Variants in FAIM2 observed in about 807,000 individuals in gnomAD.
FAIM2 encodes Fas apoptotic inhibitory molecule 2, also known as protein lifeguard 2.
A neutral mutation model predicts 47.4 loss-of-function variants in FAIM2; 27 were observed. The observed-to-expected ratio is 0.57, with a 90% CI of 0.42 to 0.78. FAIM2 has a LOEUF of 0.78. Ranked by LOEUF, FAIM2 falls within the 30% of genes least tolerant of loss-of-function variation. The pLI, the probability that FAIM2 is intolerant of heterozygous loss-of-function variation, is 0.00. For missense variants in FAIM2, 311 were observed against 389.4 expected (o/e 0.80, Z 1.69); for synonymous variants, 156 against 159.3 (o/e 0.98, Z 0.16).
At chr12:49,889,973 C>T (rs1001623120) in intron 8 of FAIM2, 144 bp downstream of exon 8, 2 of 775,094 alleles carry the variant, frequency 2.6e-6, no homozygotes, top group African/African-American at 1.7e-5. Flanking sequence ...GCAGAGGACC[C>T]TAGGCCAAAG....
At chr12:49,878,551 CAT>C (rs1946763825) in intron 11 of FAIM2, among the ~76,000 whole-genome samples, 2 of 56,984 alleles carry the variant, frequency 3.5e-5, no homozygotes, top group South Asian at 1.1e-3. Context: ...TATGTGCGTG[CAT>C]GTGTGAGTGT....
At chr12:49,902,872 C>G (rs951209690) in intron 1 of FAIM2, 1 of 152,158 alleles carries the variant, frequency 6.6e-6, no homozygotes, top group Non-Finnish European at 1.5e-5. Flanking sequence ...TGGTATCACC[C>G]AGTGACATCA....
chr12:49,895,331 T>TC (rs1189263834), intron 5 of FAIM2, among the ~76,000 whole-genome samples: 1 of 149,400 alleles, frequency 6.7e-6, no homozygotes, highest in African/African-American at 2.5e-5. Flanking sequence ...AATCCCCCCA[T>TC]CCCCCCCAAT....
At position 49,890,213 on chromosome 12, in the gene FAIM2, C is replaced by A. The variant is rs75009056; in HGVS notation, c.526-59G>T. ...AACTCAGACGCAGGGGCCCAGGCAC[C>A]CTCGAGGTCCAGCTCAGGTCTCCAC... is the stretch of plus-strand genomic sequence containing the variant. On this transcript the variant is annotated intron_variant, in intron 7 of 11. Coordinates refer to ENST00000320634, the MANE Select transcript of FAIM2 (RefSeq NM_012306.4). 1.7e-3 allele frequency: 2,650 copies of A among 1,544,428 alleles called. 38 individuals are homozygous for A. The African/African-American group carries it at 0.032, about 18-fold the overall frequency.
Position 49,867,308 on chromosome 12 carries a change from T to C in FAIM2, c.*3196A>G, listed in dbSNP as rs1383975390. 1.3e-5 allele frequency: 2 copies of C among 152,150 alleles called. No individual in the cohort carries two copies. The highest frequency in any genetic ancestry group is 2.4e-5 in the African/African-American group (1 of 41,394). The allele number at this position is 152,150 out of a possible 1,614,324, so 9.4% of individuals were successfully genotyped here. On this transcript the variant is annotated 3_prime_UTR_variant, in exon 12 of 12. Transcript: ENST00000320634. ...AAGCAGCCACTGGAGGGCAGCAAAG[T>C]GCTTATGCAAAAATCCCACCCCGCC...
chr12:49,895,988 G>GC (rs1565619524), intron 5 of FAIM2, among the ~76,000 whole-genome samples: 1 of 152,168 alleles, frequency 6.6e-6, no homozygotes, highest in South Asian at 2.1e-4. Flanking sequence ...GTGCATTCTC[G>GC]CCCCACGCTT....
intron 2 of FAIM2, among the ~76,000 whole-genome samples, chr12:49,899,685 T>C (rs1474703904): frequency 6.6e-6 from 1 of 152,204 alleles, no homozygotes; most frequent in African/African-American, 2.4e-5. Context: ...GACTGTTAGG[T>C]GGGTTAGGTA....
chr12:49,873,918 C>T (rs1255499673), intron 11 of FAIM2, among the ~76,000 whole-genome samples: 1 of 152,220 alleles, frequency 6.6e-6, no homozygotes, highest in Admixed American at 6.5e-5. Context: ...AACTTGCCCT[C>T]ATAGAACTGA....
intron 10 of FAIM2, among the ~76,000 whole-genome samples, chr12:49,888,108 G>A (rs1412339199): frequency 1.3e-5 from 2 of 152,142 alleles, no homozygotes; most frequent in Admixed American, 1.3e-4. Flanking sequence ...CGGAAACAAA[G>A]GCAACCCATC....
intron 11 of FAIM2, among the ~76,000 whole-genome samples, chr12:49,871,054 GC>G (rs1353759825): frequency 6.6e-6 from 1 of 152,184 alleles, no homozygotes; most frequent in African/African-American, 2.4e-5. Context: ...TCAAGCTGAG[GC>G]CTAGTCTTCT....
rs1470930240 is a variant in FAIM2 at position 49,867,227 on chromosome 12, A to G, written c.*3277T>C. 2 of 152,128 alleles carry G rather than the reference A, an allele frequency of 1.3e-5. No individual in the cohort carries two copies. Among genetic ancestry groups the G allele is most frequent in the South Asian group, 2.1e-4 (1 of 4,802 alleles). The allele number at this position is 152,128 out of a possible 1,614,324, so 9.4% of individuals were successfully genotyped here. On this transcript the variant is annotated 3_prime_UTR_variant, in exon 12 of 12. Coordinates refer to ENST00000320634, the MANE Select transcript of FAIM2 (RefSeq NM_012306.4). ...GAGCTCGGGCCAGATCCTGCCCCCA[A>G]CCTCCAGCCACATGGGCCCTCGGTG...
intron 5 of FAIM2, among the ~76,000 whole-genome samples, chr12:49,893,945 G>A (rs1361519365): frequency 6.6e-6 from 1 of 152,194 alleles, no homozygotes; most frequent in Non-Finnish European, 1.5e-5. Flanking sequence ...GCTTCCTGAG[G>A]GCAAGAGCCC....
At position 49,874,848 on chromosome 12, in the gene FAIM2, A is replaced by G. The variant is rs1329391079; in HGVS notation, c.802-4195T>C. ...ATGCTGAAACAACCCAAACTCTACC[A>G]ACACGGGGGTGGTTAAATAAACTCT... is the stretch of plus-strand genomic sequence containing the variant. On this transcript the variant is annotated intron_variant, in intron 11 of 11. Coordinates refer to ENST00000320634, the MANE Select transcript of FAIM2 (RefSeq NM_012306.4). The surrounding 1 kb of genome is among the most constrained non-coding windows in gnomAD (Gnocchi z 4.2). 6.6e-6 allele frequency among the ~76,000 whole-genome samples: 1 copy of G among 152,182 alleles called. No individual in the cohort carries two copies. Among genetic ancestry groups the G allele is most frequent in the Admixed American group, 6.5e-5 (1 of 15,288 alleles).
intron 11 of FAIM2, among the ~76,000 whole-genome samples, chr12:49,876,062 T>G (rs991577899): frequency 6.6e-6 from 1 of 152,204 alleles, no homozygotes; most frequent in African/African-American, 2.4e-5. Context: ...GAGCCATGTG[T>G]GGTCATACGA....
intron 5 of FAIM2, among the ~76,000 whole-genome samples, chr12:49,896,753 C>T (rs772712758): frequency 2.6e-5 from 4 of 152,202 alleles, no homozygotes; most frequent in Admixed American, 6.5e-5. Context: ...TGGGTCTCTC[C>T]GGCTATAGCC....
chr12:49,898,369 C>A (rs1946955858), intron 2 of FAIM2, among the ~76,000 whole-genome samples: 1 of 152,266 alleles, frequency 6.6e-6, no homozygotes, highest in Admixed American at 6.5e-5. Flanking sequence ...GGGGACCAAG[C>A]TCTGCCATAC....
rs1946779811 is a variant in FAIM2, at chr12:49,879,282, GT to G, written c.801+8103del. On this transcript the variant is annotated intron_variant, in intron 11 of 11. Coordinates refer to ENST00000320634, the MANE Select transcript of FAIM2 (RefSeq NM_012306.4). ...TGTATGTGTGCATGTGTATATGTGT[GT>G]ATGTGTGTGGGTATGTGTATGCATG... Among the ~76,000 whole-genome samples, 2 of 38,876 alleles carry G rather than the reference GT, an allele frequency of 5.1e-5. 1 individual carries two copies. Among genetic ancestry groups the G allele is most frequent in the African/African-American group, 1.7e-4 (2 of 11,990 alleles). The allele number at this position is 38,876 out of a possible 152,430, so 25.5% of individuals were successfully genotyped here.
At chr12:49,883,227 T>C (rs1037035544) in intron 11 of FAIM2, among the ~76,000 whole-genome samples, 1 of 152,140 alleles carries the variant, frequency 6.6e-6, no homozygotes, top group Non-Finnish European at 1.5e-5. Context: ...CTCCAGCTGC[T>C]GTGCTGTGCA....
rs1287213162 is a variant in FAIM2, at chr12:49,897,530, G to T, written c.369C>A (p.Leu123=). Residue 123 remains leucine, a synonymous_variant, in exon 4 of 12, where the codon CTC becomes CTA. Coordinates refer to ENST00000320634, the MANE Select transcript of FAIM2 (RefSeq NM_012306.4). ...QLLVTLAVVA[L]FTFCDPVKDY... ...TGCTGCCAACTCACCAGAAAGTAAA[G>T]AGAGCCACGACAGCCAAGGTCACCA... 2 of 1,614,158 alleles carry T rather than the reference G, an allele frequency of 1.2e-6. No homozygotes were observed. Among genetic ancestry groups the T allele is most frequent in the South Asian group, 2.2e-5 (2 of 91,078 alleles).
Sources: gnomAD v4.1 joint callset for allele counts (sites outside exome capture counted in the v4.1 genomes callset) on GRCh38, gnomAD v4.1.1 for gene constraint, Gnocchi (gnomAD v3.1) non-coding constraint, MANE v1.5 for transcripts, NCBI Gene and HGNC (gene_info 2026-07-23, HGNC 2026-07-21) for gene names.